The following ASAP1 variants were observed in gnomAD, a reference collection of about 807,000 sequenced individuals.
The protein encoded by ASAP1 is arf-GAP with SH3 domain, ANK repeat and PH domain-containing protein 1.
Under a neutral mutation model 145.2 loss-of-function variants are expected in ASAP1, and 43 were observed. The observed-to-expected ratio is 0.30, with a 90% confidence interval of 0.23 to 0.38. The LOEUF is 0.38. ASAP1 is among the 10% of genes least tolerant of loss of function. The probability of loss-of-function intolerance (pLI) is 1.00; values close to 1 mark genes in which losing one functional copy is unlikely to be tolerated. For missense variants in ASAP1, 1,018 were observed against 1,355.3 expected (o/e 0.75, Z 3.91); for synonymous variants, 546 against 515.5 (o/e 1.06, Z -0.80).
At chr8:130,432,283 A>C (rs1830165262) in intron 1 of ASAP1, among the ~76,000 whole-genome samples, 1 of 152,174 alleles carries the variant, frequency 6.6e-6, no homozygotes, top group Non-Finnish European at 1.5e-5. Flanking sequence ...AAGGCTTTTC[A>C]GAGATGGTGC....
At chr8:130,139,759 CAA>C (rs71572327) in intron 13 of ASAP1, among the ~76,000 whole-genome samples, 1 of 139,754 alleles carries the variant, frequency 7.2e-6, no homozygotes. Flanking sequence ...AAACAAAAAA[CAA>C]AAAAAAAAAG....
chr8:130,056,251 G>C (rs2097403886), intron 29 of ASAP1, among the ~76,000 whole-genome samples: 1 of 152,230 alleles, frequency 6.6e-6, no homozygotes, highest in African/African-American at 2.4e-5. Flanking sequence ...TCACGTGGGG[G>C]GGCTTCAGAG....
chr8:130,325,940 T>C (rs1171441971), intron 3 of ASAP1, among the ~76,000 whole-genome samples: 1 of 152,234 alleles, frequency 6.6e-6, no homozygotes, highest in Non-Finnish European at 1.5e-5. Context: ...ACATGAAATT[T>C]TCTATTGTCT....
At chr8:130,367,504 G>C (rs964680309) in intron 2 of ASAP1, among the ~76,000 whole-genome samples, 3 of 152,178 alleles carry the variant, frequency 2.0e-5, no homozygotes, top group Non-Finnish European at 4.4e-5. Context: ...GTAGCTATTT[G>C]TGACTTTTGC....
intron 5 of ASAP1, among the ~76,000 whole-genome samples, chr8:130,190,935 T>C (rs1025119084): frequency 1.3e-5 from 2 of 152,154 alleles, no homozygotes; most frequent in Non-Finnish European, 2.9e-5. Flanking sequence ...CACTAGTACA[T>C]AACCTCGATG....
chr8:130,072,141 C>A (rs1037870516), intron 27 of ASAP1, among the ~76,000 whole-genome samples: 4 of 152,178 alleles, frequency 2.6e-5, no homozygotes, highest in African/African-American at 9.7e-5. Context: ...TCATAAAAAG[C>A]CAAGAGGACA....
At chr8:130,252,709 C>T (rs992623971) in intron 3 of ASAP1, among the ~76,000 whole-genome samples, 1 of 152,158 alleles carries the variant, frequency 6.6e-6, no homozygotes, top group Non-Finnish European at 1.5e-5. Flanking sequence ...CACACCCACC[C>T]ACAAGCACCA....
chr8:130,305,886 T>C (rs939298829), intron 3 of ASAP1, among the ~76,000 whole-genome samples: 14 of 152,158 alleles, frequency 9.2e-5, no homozygotes, highest in Non-Finnish European at 2.1e-4. Flanking sequence ...TAAGGATTAG[T>C]GCCAAGAACT....
intron 24 of ASAP1, among the ~76,000 whole-genome samples, chr8:130,092,453 G>A (rs371466599): frequency 4.9e-4 from 75 of 152,118 alleles, no homozygotes; most frequent in African/African-American, 1.5e-3. Flanking sequence ...ACAGCAAGAC[G>A]CCATCTCTAT....
chr8:130,192,326 C>CG (rs1379825663), intron 5 of ASAP1, among the ~76,000 whole-genome samples: 12 of 140,422 alleles, frequency 8.5e-5, no homozygotes, highest in South Asian at 4.4e-4. Context: ...TAAAATTTCA[C>CG]GGGGGGGAGC....
intron 3 of ASAP1, among the ~76,000 whole-genome samples, chr8:130,357,584 G>C (rs1826401326): frequency 1.3e-5 from 2 of 152,200 alleles, no homozygotes; most frequent in South Asian, 4.1e-4. Context: ...CAGTCGGGCC[G>C]CTGAGGGGTG....
chr8:130,062,577 G>A (rs1260848717), intron 27 of ASAP1, among the ~76,000 whole-genome samples: 1 of 152,156 alleles, frequency 6.6e-6, no homozygotes, highest in Non-Finnish European at 1.5e-5. Context: ...TGAGGTGGTG[G>A]GGCTAGAAAG....
chr8:130,355,443 G>A (rs1240717845), intron 3 of ASAP1, among the ~76,000 whole-genome samples: 1 of 152,110 alleles, frequency 6.6e-6, no homozygotes, highest in African/African-American at 2.4e-5. Flanking sequence ...TTTTTTAAAT[G>A]AGAATTCCAA....
At chr8:130,384,162 C>A (rs1393099811) in intron 2 of ASAP1, among the ~76,000 whole-genome samples, 1 of 152,148 alleles carries the variant, frequency 6.6e-6, no homozygotes, top group African/African-American at 2.4e-5. Flanking sequence ...ATTATGGCAA[C>A]CCAAGGACAA....
chr8:130,340,287 A>C (rs866927525), intron 3 of ASAP1, among the ~76,000 whole-genome samples: 9 of 152,344 alleles, frequency 5.9e-5, no homozygotes, highest in South Asian at 2.1e-4. Context: ...GTTGTCTCTG[A>C]GAGGAAGAAG....
intron 18 of ASAP1, among the ~76,000 whole-genome samples, chr8:130,119,497 C>A (rs2097562088): frequency 6.6e-6 from 1 of 152,196 alleles, no homozygotes; most frequent in South Asian, 2.1e-4. Context: ...GAGCTCACCT[C>A]CCAGCCACAG....
chr8:130,314,169 C>A (rs529064841), intron 3 of ASAP1, among the ~76,000 whole-genome samples: 3 of 152,250 alleles, frequency 2.0e-5, no homozygotes, highest in African/African-American at 7.2e-5. Flanking sequence ...TAAGCTTCCT[C>A]CCCCCACTTA....
At chr8:130,303,132 G>A (rs1228807468) in intron 3 of ASAP1, among the ~76,000 whole-genome samples, 1 of 152,162 alleles carries the variant, frequency 6.6e-6, no homozygotes, top group South Asian at 2.1e-4. Flanking sequence ...TCTGAATCCT[G>A]GCTTTGGCCA....
chr8:130,278,687 C>T (rs1344265030), intron 3 of ASAP1, among the ~76,000 whole-genome samples: 1 of 152,128 alleles, frequency 6.6e-6, no homozygotes, highest in East Asian at 1.9e-4. Flanking sequence ...CTAATTAATT[C>T]CTGGGATATT....
Sources: allele counts gnomAD v4.1 joint callset (sites outside exome capture counted in the v4.1 genomes callset), GRCh38; gene constraint gnomAD v4.1.1; transcripts MANE v1.5; gene names NCBI Gene and HGNC (gene_info 2026-07-23, HGNC 2026-07-21).